FSTL5: variants seen among roughly 807,000 people sequenced by gnomAD.
FSTL5 encodes follistatin like 5, also known as follistatin-related protein 5.
Under a neutral mutation model 89.1 loss-of-function variants are expected in FSTL5, and 62 were observed. The ratio of observed to expected loss-of-function variants is 0.70; its 90% confidence interval spans 0.57 to 0.86. The LOEUF is 0.86. FSTL5 is among the 40% of genes least tolerant of loss of function. The pLI, the probability that FSTL5 is intolerant of heterozygous loss-of-function variation, is 0.00. For synonymous variants in FSTL5, 383 were observed against 346.2 expected (o/e 1.11, Z -1.18); for missense variants, 1,057 against 1,001.6 (o/e 1.06, Z -0.75).
chr4:161,831,811 T>C (rs936451953), intron 4 of FSTL5, among the ~76,000 whole-genome samples: 1 of 151,828 alleles, frequency 6.6e-6, no homozygotes, highest in African/African-American at 2.4e-5. Flanking sequence ...TATATATACA[T>C]ATATATGCCA....
chr4:161,470,705 T>C (rs767246899), intron 13 of FSTL5, among the ~76,000 whole-genome samples: 1 of 152,202 alleles, frequency 6.6e-6, no homozygotes, highest in African/African-American at 2.4e-5. Context: ...CTTAACAATA[T>C]TGAGTCTTTC....
chr4:161,668,732 A>G (rs1736981476), intron 6 of FSTL5, among the ~76,000 whole-genome samples: 1 of 152,212 alleles, frequency 6.6e-6, no homozygotes, highest in Non-Finnish European at 1.5e-5. Context: ...AATTAAATGT[A>G]CTCATCACAT....
intron 4 of FSTL5, among the ~76,000 whole-genome samples, chr4:161,864,240 A>C (rs1349741864): frequency 2.0e-5 from 3 of 152,184 alleles, no homozygotes; most frequent in Non-Finnish European, 4.4e-5. Flanking sequence ...TCATTCTCAC[A>C]GCAATGTGTA....
At chr4:161,446,124 A>G (rs1286031696) in intron 15 of FSTL5, among the ~76,000 whole-genome samples, 2 of 151,948 alleles carry the variant, frequency 1.3e-5, no homozygotes, top group East Asian at 3.9e-4. Context: ...CACAATGAAT[A>G]TTTTTTACAG....
chr4:161,831,548 A>G (rs1433218867), intron 4 of FSTL5, among the ~76,000 whole-genome samples: 1 of 151,946 alleles, frequency 6.6e-6, no homozygotes. Context: ...ATATAAAAAC[A>G]CATCACGCTC....
At chr4:162,113,974 T>A (rs2111414391) in intron 1 of FSTL5, among the ~76,000 whole-genome samples, 1 of 152,318 alleles carries the variant, frequency 6.6e-6, no homozygotes, top group Non-Finnish European at 1.5e-5. Flanking sequence ...TTTATTTTTG[T>A]TTTCTTCAGC....
At chr4:161,666,618 A>G (rs1177387935) in intron 6 of FSTL5, among the ~76,000 whole-genome samples, 1 of 152,156 alleles carries the variant, frequency 6.6e-6, no homozygotes, top group African/African-American at 2.4e-5. Flanking sequence ...GTAAGAACAC[A>G]TAATTTTTTA....
At chr4:162,039,520 T>C (rs984396864) in intron 2 of FSTL5, among the ~76,000 whole-genome samples, 2 of 151,970 alleles carry the variant, frequency 1.3e-5, no homozygotes, top group South Asian at 4.1e-4. Flanking sequence ...AATTTCCTGT[T>C]ATGCAAACAC....
intron 15 of FSTL5, among the ~76,000 whole-genome samples, chr4:161,434,777 T>C (rs1732495728): frequency 6.6e-6 from 1 of 152,102 alleles, no homozygotes; most frequent in Middle Eastern, 3.4e-3. Flanking sequence ...GATGTGAATA[T>C]GCATTTCTCA....
intron 11 of FSTL5, among the ~76,000 whole-genome samples, chr4:161,508,367 T>C (rs928449807): frequency 6.6e-6 from 1 of 152,122 alleles, no homozygotes; most frequent in Non-Finnish European, 1.5e-5. Context: ...GATAACTGTA[T>C]GTAGAAAAAA....
At chr4:161,731,026 C>A (rs1739588193) in intron 6 of FSTL5, among the ~76,000 whole-genome samples, 1 of 152,094 alleles carries the variant, frequency 6.6e-6, no homozygotes, top group African/African-American at 2.4e-5. Context: ...TATTATAGAT[C>A]TTTAAAACAC....
intron 1 of FSTL5, among the ~76,000 whole-genome samples, chr4:162,137,377 G>T (rs1478137287): frequency 6.6e-6 from 1 of 152,018 alleles, no homozygotes; most frequent in Non-Finnish European, 1.5e-5. Flanking sequence ...TATTTACAGA[G>T]ATTATAATTA....
intron 3 of FSTL5, among the ~76,000 whole-genome samples, chr4:161,961,766 T>C (rs985805681): frequency 6.6e-6 from 1 of 151,768 alleles, no homozygotes; most frequent in Non-Finnish European, 1.5e-5. Flanking sequence ...AAATTATAAA[T>C]CCTAGTTAAT....
intron 13 of FSTL5, among the ~76,000 whole-genome samples, chr4:161,463,521 C>G (rs554432669): frequency 1.3e-5 from 2 of 152,160 alleles, no homozygotes; most frequent in East Asian, 3.9e-4. Flanking sequence ...ACTTCCATGA[C>G]CCAATTTTCA....
intron 4 of FSTL5, among the ~76,000 whole-genome samples, chr4:161,817,258 G>C (rs572257375): frequency 6.6e-6 from 1 of 152,126 alleles, no homozygotes; most frequent in African/African-American, 2.4e-5. Context: ...GCAACAAGTT[G>C]AATAATTAAG....
intron 4 of FSTL5, among the ~76,000 whole-genome samples, chr4:161,815,572 C>T (rs1192067773): frequency 1.3e-5 from 2 of 151,970 alleles, no homozygotes; most frequent in African/African-American, 2.4e-5. Flanking sequence ...TTTGAGTTTG[C>T]CAAAGATAGA....
chr4:161,610,592 T>C (rs1406683598), intron 7 of FSTL5, among the ~76,000 whole-genome samples: 1 of 151,936 alleles, frequency 6.6e-6, no homozygotes, highest in Non-Finnish European at 1.5e-5. Context: ...AACAAGAAAG[T>C]GGGGAGCATC....
At chr4:162,011,748 C>T (rs1047039237) in intron 3 of FSTL5, among the ~76,000 whole-genome samples, 2 of 152,098 alleles carry the variant, frequency 1.3e-5, no homozygotes, top group Admixed American at 6.5e-5. Context: ...CTGCCTGCCT[C>T]GGCCTCCCAA....
chr4:161,499,093 T>A (rs764855958), intron 12 of FSTL5, among the ~76,000 whole-genome samples: 1 of 152,004 alleles, frequency 6.6e-6, no homozygotes, highest in Admixed American at 6.6e-5. Flanking sequence ...TCCCAGCTAC[T>A]TGGGAGGCTG....
Sources: gnomAD v4.1 joint callset for allele counts (sites outside exome capture counted in the v4.1 genomes callset) on GRCh38, gnomAD v4.1.1 for gene constraint, MANE v1.5 for transcripts, NCBI Gene and HGNC (gene_info 2026-07-23, HGNC 2026-07-21) for gene names.